TUFT1: variants seen among roughly 807,000 people sequenced by gnomAD.
The protein encoded by TUFT1 is tuftelin.
Under a neutral mutation model 57.8 loss-of-function variants are expected in TUFT1, and 43 were observed. The observed-to-expected ratio is 0.74, with a 90% CI of 0.58 to 0.96. The LOEUF (loss-of-function observed/expected upper bound fraction) is 0.96, where lower values mean the gene tolerates loss of function less well. Among genes scored for constraint, TUFT1 ranks in the 40% least tolerant of loss-of-function variants. The pLI is 0.00. For synonymous variants in TUFT1, 166 were observed against 176.7 expected, an observed-to-expected ratio of 0.94 and a Z score of 0.48; for missense variants, 459 against 489.0, an observed-to-expected ratio of 0.94 and a Z score of 0.58.
intron 1 of TUFT1, among the ~76,000 whole-genome samples, chr1:151,543,539 C>T (rs1665233335): frequency 6.6e-6 from 1 of 152,032 alleles, no homozygotes; most frequent in Admixed American, 6.6e-5. Flanking sequence ...CAGAGAATGA[C>T]TCCAGCTAAA....
chr1:151,572,503 A>G (rs1666289450), intron 7 of TUFT1, among the ~76,000 whole-genome samples: 1 of 152,086 alleles, frequency 6.6e-6, no homozygotes, highest in Non-Finnish European at 1.5e-5. Flanking sequence ...ACATAAATAA[A>G]TGTACATAAA....
intron 1 of TUFT1, among the ~76,000 whole-genome samples, chr1:151,543,535 A>G (rs1665233268): frequency 6.6e-6 from 1 of 152,196 alleles, no homozygotes; most frequent in Admixed American, 6.5e-5. Flanking sequence ...ACAACAGAGA[A>G]TGACTCCAGC....
intron 1 of TUFT1, chr1:151,561,481 A>G (rs1571701295): frequency 1.9e-6 from 1 of 517,012 alleles, no homozygotes; most frequent in Non-Finnish European, 2.5e-6. Flanking sequence ...GCGCACACAC[A>G]CACACACACA....
intron 8 of TUFT1, 118 bp downstream of exon 8, chr1:151,574,516 C>G (rs540662976): frequency 7.4e-7 from 1 of 1,348,042 alleles, no homozygotes; most frequent in Non-Finnish European, 1.0e-6. Context: ...AAGCACACTT[C>G]GCACCTTCCT....
chr1:151,578,873 T>A, intron 10 of TUFT1, 47 bp downstream of exon 10: 1 of 1,446,718 alleles, frequency 6.9e-7, no homozygotes, highest in Non-Finnish European at 9.4e-7. Context: ...TCACCCCAAG[T>A]CTATGCTCTT....
intron 1 of TUFT1, chr1:151,540,735 G>C: frequency 2.6e-6 from 1 of 385,056 alleles, no homozygotes; most frequent in Non-Finnish European, 4.8e-6. Context: ...CTTTTGGGCA[G>C]CCACATTGGG....
chr1:151,560,703 T>C (rs773281337), intron 1 of TUFT1, among the ~76,000 whole-genome samples: 32 of 152,232 alleles, frequency 2.1e-4, no homozygotes, highest in Non-Finnish European at 3.7e-4. Flanking sequence ...AGGCATATAC[T>C]CCATCCTCAC....
In TUFT1 at chr1:151,540,394, C is replaced by T. The variant is rs1557997491; in HGVS notation, c.28C>T (p.Leu10=). 8.1e-6 allele frequency: 13 copies of T among 1,614,198 alleles called. No homozygotes were observed. Among genetic ancestry groups the T allele is most frequent in the Non-Finnish European group, 1.0e-5 (12 of 1,180,004 alleles). The change falls in exon 1 of 13, where the codon CTG becomes TTG. Residue 10 remains leucine (L), a synonymous_variant. Coordinates refer to ENST00000368849, the MANE Select transcript of TUFT1 (RefSeq NM_020127.3). ...GAACGGGACGCGGAACTGGTGTACCCTGGTGGACGTGCACCCAGAGGACCA... is the reference window on the plus strand; with the variant it reads ...GAACGGGACGCGGAACTGGTGTACCTTGGTGGACGTGCACCCAGAGGACCA... MNGTRNWCT[L]VDVHPEDQAA... is the part of the protein sequence containing the mutation.
chr1:151,572,057 C>T (rs970975198), intron 7 of TUFT1, among the ~76,000 whole-genome samples: 3 of 152,032 alleles, frequency 2.0e-5, no homozygotes, highest in African/African-American at 4.8e-5. Flanking sequence ...AAAAATTAGC[C>T]TGGTGTGGTG....
At chr1:151,572,377 C>T (rs1042915063) in intron 7 of TUFT1, among the ~76,000 whole-genome samples, 1 of 151,852 alleles carries the variant, frequency 6.6e-6, no homozygotes, top group African/African-American at 2.4e-5. Context: ...TTTTTTTTAA[C>T]CTTTTGCTCC....
intron 1 of TUFT1, among the ~76,000 whole-genome samples, chr1:151,548,443 C>T (rs191395401): frequency 1.2e-4 from 18 of 152,080 alleles, no homozygotes; most frequent in Middle Eastern, 3.4e-3. Flanking sequence ...GCTGGAGCTA[C>T]AGGCGTGCGC....
intron 1 of TUFT1, among the ~76,000 whole-genome samples, chr1:151,549,271 G>A (rs1665438392): frequency 6.6e-6 from 1 of 152,194 alleles, no homozygotes; most frequent in Non-Finnish European, 1.5e-5. Context: ...ATAGTCCTGA[G>A]GAAATGCAAG....
intron 6 of TUFT1, among the ~76,000 whole-genome samples, chr1:151,567,729 A>G (rs1252220648): frequency 6.6e-6 from 1 of 152,176 alleles, no homozygotes; most frequent in Non-Finnish European, 1.5e-5. Flanking sequence ...TATTTTTAGT[A>G]GAGATGGGGT....
chr1:151,548,544 G>T (rs755200330), intron 1 of TUFT1, among the ~76,000 whole-genome samples: 21 of 151,996 alleles, frequency 1.4e-4, no homozygotes, highest in Non-Finnish European at 2.9e-4. Context: ...CTCGTGATTC[G>T]CCTGCCTTGG....
Position 151,561,919 on chromosome 1 carries a change from G to C in TUFT1, c.61-172G>C, listed in dbSNP as rs988867557. On this transcript the variant is annotated intron_variant, in intron 1 of 12. Transcript: ENST00000368849. ...CCCAGAGTCACCACCCCAAACACCT[G>C]ATCTTGGGCAAGGTAATGCTGCCTC... The C allele has an allele frequency of 4.0e-6, 6 of 1,513,906 alleles. No individual in the cohort carries two copies. The South Asian group carries it at 6.2e-5, about 16-fold the overall frequency. The allele number at this position is 1,513,906 out of a possible 1,614,324, so 93.8% of individuals were successfully genotyped here.
chr1:151,541,171 T>A (rs1019698474), intron 1 of TUFT1, among the ~76,000 whole-genome samples: 1 of 151,686 alleles, frequency 6.6e-6, no homozygotes, highest in East Asian at 1.9e-4. Flanking sequence ...CCTGGGATAG[T>A]GGAGGAAGGG....
intron 7 of TUFT1, among the ~76,000 whole-genome samples, chr1:151,573,921 A>G (rs1388612917): frequency 6.6e-6 from 1 of 152,176 alleles, no homozygotes; most frequent in Non-Finnish European, 1.5e-5. Context: ...TTGCTTTTGA[A>G]TTTGTAGGAA....
chr1:151,577,647 G>C (rs1407050056), intron 9 of TUFT1, among the ~76,000 whole-genome samples: 2 of 152,154 alleles, frequency 1.3e-5, no homozygotes, highest in Non-Finnish European at 2.9e-5. Flanking sequence ...AAACAAAATT[G>C]TGTGAAGAGG....
chr1:151,568,744 A>C (rs760514811), intron 6 of TUFT1, among the ~76,000 whole-genome samples: 7 of 152,246 alleles, frequency 4.6e-5, no homozygotes, highest in Non-Finnish European at 7.3e-5. Context: ...CATTGTTGGC[A>C]ACAAATTATA....
Sources: allele counts gnomAD v4.1 joint callset (sites outside exome capture counted in the v4.1 genomes callset), GRCh38; gene constraint gnomAD v4.1.1; transcripts MANE v1.5; gene names NCBI Gene and HGNC (gene_info 2026-07-23, HGNC 2026-07-21).